Variants in CSMD1 observed in about 807,000 individuals in gnomAD.
The protein encoded by CSMD1 is CUB and sushi domain-containing protein 1.
CSMD1 carries 213 observed loss-of-function variants against 417.5 expected under a neutral mutation model. The ratio of observed to expected loss-of-function variants is 0.51; its 90% CI spans 0.46 to 0.57. The LOEUF is 0.57. Ranked by LOEUF, CSMD1 falls within the 20% of genes least tolerant of loss-of-function variation. The pLI is 0.00. For missense variants in CSMD1, 6,923 were observed against 4,529.7 expected, an observed-to-expected ratio of 1.53 and a Z score of -15.17; for synonymous variants, 2,862 against 1,736.8, an observed-to-expected ratio of 1.65 and a Z score of -16.11.
At chr8:4,375,531 C>G (rs1293102871) in intron 3 of CSMD1, among the ~76,000 whole-genome samples, 1 of 151,940 alleles carries the variant, frequency 6.6e-6, no homozygotes, top group African/African-American at 2.4e-5. Context: ...TTTTTTTCCT[C>G]CTTAACATTT....
At chr8:3,509,697 T>A (rs1384090069) in intron 10 of CSMD1, among the ~76,000 whole-genome samples, 4 of 152,210 alleles carry the variant, frequency 2.6e-5, no homozygotes, top group African/African-American at 9.7e-5. Context: ...CATCTTCAAC[T>A]GCAGGGCTAT....
intron 10 of CSMD1, among the ~76,000 whole-genome samples, chr8:3,499,734 C>A (rs960152079): frequency 1.3e-5 from 2 of 151,968 alleles, no homozygotes; most frequent in Non-Finnish European, 2.9e-5. Flanking sequence ...GTTTGTGTCA[C>A]TGAGTGCAGC....
rs544903306 is a variant in CSMD1, at chr8:3,171,396, C to G, written c.5726-9119G>C. 2.4e-4 allele frequency among the ~76,000 whole-genome samples: 36 copies of G among 152,314 alleles called. 1 individual carries two copies. The highest frequency in any genetic ancestry group is 7.7e-4 in the African/African-American group (32 of 41,566). ...TTTTTAACACTCAAAACTTTACTCA[C>G]CACCCATCTCAATCCCACTGACATG... On this transcript the variant is annotated intron_variant, in intron 37 of 69. Coordinates refer to ENST00000635120, the MANE Select transcript of CSMD1 (RefSeq NM_033225.6).
intron 11 of CSMD1, among the ~76,000 whole-genome samples, chr8:3,471,241 A>G (rs963649548): frequency 1.3e-5 from 2 of 152,134 alleles, no homozygotes; most frequent in Non-Finnish European, 2.9e-5. Context: ...GATGTACAAC[A>G]TTGTCTCATG....
chr8:4,252,787 G>A (rs1211426132), intron 3 of CSMD1, among the ~76,000 whole-genome samples: 2 of 152,214 alleles, frequency 1.3e-5, no homozygotes, highest in African/African-American at 2.4e-5. Context: ...TGACATTTAT[G>A]CCTCTTCTGT....
chr8:4,158,628 C>A (rs1469753092), intron 3 of CSMD1, among the ~76,000 whole-genome samples: 1 of 152,090 alleles, frequency 6.6e-6, no homozygotes, highest in African/African-American at 2.4e-5. Context: ...ATAATTTTCA[C>A]AGTGGCGTTG....
At chr8:3,086,894 C>A (rs1258858896) in intron 49 of CSMD1, among the ~76,000 whole-genome samples, 1 of 152,196 alleles carries the variant, frequency 6.6e-6, no homozygotes, top group African/African-American at 2.4e-5. Context: ...GAATGTCCAA[C>A]CCTTCTCCAA....
chr8:4,985,424 A>G (rs1811127810), intron 1 of CSMD1, among the ~76,000 whole-genome samples: 1 of 152,188 alleles, frequency 6.6e-6, no homozygotes, highest in African/African-American at 2.4e-5. Flanking sequence ...CCCATGCGTT[A>G]CAGTTATACT....
At chr8:4,441,574 G>A (rs1221127085) in intron 2 of CSMD1, among the ~76,000 whole-genome samples, 2 of 151,996 alleles carry the variant, frequency 1.3e-5, no homozygotes, top group South Asian at 2.1e-4. Flanking sequence ...TCTCATCTAT[G>A]CAAACATTTT....
chr8:4,175,099 T>C (rs1272066652), intron 3 of CSMD1, among the ~76,000 whole-genome samples: 1 of 151,952 alleles, frequency 6.6e-6, no homozygotes, highest in African/African-American at 2.4e-5. Context: ...CATAGACAAA[T>C]TTCTGCCAAG....
chr8:4,568,631 T>TA (rs1387931300), intron 2 of CSMD1, among the ~76,000 whole-genome samples: 1 of 152,208 alleles, frequency 6.6e-6, no homozygotes, highest in Non-Finnish European at 1.5e-5. Context: ...TATGGGTATA[T>TA]ACCCAGTAAA....
chr8:4,124,605 C>CCA (rs1387689726), intron 3 of CSMD1, among the ~76,000 whole-genome samples: 1 of 152,136 alleles, frequency 6.6e-6, no homozygotes, highest in Non-Finnish European at 1.5e-5. Context: ...GTGCCTGGCA[C>CCA]CAGCACGCAC....
At chr8:3,893,869 C>G (rs746399043) in intron 5 of CSMD1, among the ~76,000 whole-genome samples, 1 of 151,902 alleles carries the variant, frequency 6.6e-6, no homozygotes, top group African/African-American at 2.4e-5. Context: ...AAAAACACAC[C>G]CCTGGTTGGA....
At chr8:4,843,638 C>T (rs1800964528) in intron 1 of CSMD1, among the ~76,000 whole-genome samples, 1 of 152,122 alleles carries the variant, frequency 6.6e-6, no homozygotes, top group African/African-American at 2.4e-5. Context: ...CTAGGGAACT[C>T]TGCCTGAATC....
chr8:3,176,509 A>G (rs1188094897), intron 37 of CSMD1, among the ~76,000 whole-genome samples: 1 of 152,018 alleles, frequency 6.6e-6, no homozygotes, highest in Non-Finnish European at 1.5e-5. Flanking sequence ...CAATTTTCAA[A>G]CCCCTAAGAC....
intron 5 of CSMD1, among the ~76,000 whole-genome samples, chr8:3,897,613 G>A (rs1328109741): frequency 1.3e-5 from 2 of 150,940 alleles, no homozygotes; most frequent in African/African-American, 4.9e-5. Context: ...ACCCTAAACT[G>A]CAACTCAAAA....
intron 1 of CSMD1, among the ~76,000 whole-genome samples, chr8:4,662,273 T>C (rs1275827412): frequency 6.6e-6 from 1 of 152,022 alleles, no homozygotes; most frequent in Non-Finnish European, 1.5e-5. Context: ...TTTTATTTTG[T>C]AGACAAATAA....
intron 1 of CSMD1, among the ~76,000 whole-genome samples, chr8:4,726,548 G>C (rs1466655884): frequency 1.3e-5 from 2 of 152,088 alleles, no homozygotes; most frequent in East Asian, 1.9e-4. Context: ...GCTAACCAGA[G>C]GGACAGGACC....
intron 2 of CSMD1, among the ~76,000 whole-genome samples, chr8:4,609,052 G>A (rs1161724349): frequency 6.6e-6 from 1 of 151,636 alleles, no homozygotes; most frequent in Non-Finnish European, 1.5e-5. Flanking sequence ...GAGTTGGGCT[G>A]AAACTTGAAA....
Sources: gnomAD v4.1 joint callset for allele counts (sites outside exome capture counted in the v4.1 genomes callset) on GRCh38, gnomAD v4.1.1 for gene constraint, MANE v1.5 for transcripts, NCBI Gene and HGNC (gene_info 2026-07-23, HGNC 2026-07-21) for gene names.